Variants in MON2 observed in about 807,000 individuals in gnomAD.
The protein encoded by MON2 is MON2 regulator of endosome-to-Golgi trafficking.
Under a neutral mutation model 208.6 loss-of-function variants are expected in MON2, and 84 were observed. The observed-to-expected ratio is 0.40, with a 90% CI of 0.34 to 0.48. The LOEUF (loss-of-function observed/expected upper bound fraction) is 0.48. MON2 is among the 20% of genes least tolerant of loss of function. MON2 has a pLI of 0.59. For synonymous variants in MON2, 660 were observed against 694.0 expected (o/e 0.95, Z 0.77); for missense variants, 1,611 against 2,015.4 (o/e 0.80, Z 3.84).
intron 8 of MON2, chr12:62,508,795 C>T: frequency 4.1e-6 from 1 of 245,496 alleles, no homozygotes; most frequent in South Asian, 7.9e-5. Context: ...AAATTATAGT[C>T]TCTTCAGTTT....
intron 2 of MON2, among the ~76,000 whole-genome samples, chr12:62,493,346 G>C (rs1048810289): frequency 6.6e-6 from 1 of 152,104 alleles, no homozygotes; most frequent in Admixed American, 6.5e-5. Context: ...TATAGCATGT[G>C]TACCCAATTA....
At chr12:62,519,372 A>G (rs1444960835) in intron 8 of MON2, among the ~76,000 whole-genome samples, 1 of 152,176 alleles carries the variant, frequency 6.6e-6, no homozygotes, top group Non-Finnish European at 1.5e-5. Flanking sequence ...TCCAAGACAG[A>G]GGTATCAGGA....
At chr12:62,545,105 G>C in intron 21 of MON2, 97 bp downstream of exon 21, 1 of 717,638 alleles carries the variant, frequency 1.4e-6, no homozygotes, top group Non-Finnish European at 2.2e-6. Flanking sequence ...TATTCTAAGA[G>C]TAGGGTTTTT....
chr12:62,468,671 C>CT (rs2068630475), intron 1 of MON2, among the ~76,000 whole-genome samples: 1 of 152,036 alleles, frequency 6.6e-6, no homozygotes. Context: ...AGTCAATAGT[C>CT]TGTTTTGATA....
intron 26 of MON2, among the ~76,000 whole-genome samples, chr12:62,561,524 T>TA (rs891020433): frequency 6.6e-6 from 1 of 151,966 alleles, no homozygotes; most frequent in Non-Finnish European, 1.5e-5. Flanking sequence ...AAGCCTATAT[T>TA]AAAAAAAGAA....
chr12:62,578,441 T>C lies in MON2; in HGVS notation c.4515-4T>C. On this transcript the variant is annotated splice_region_variant and splice_polypyrimidine_tract_variant and intron_variant, in intron 30 of 34. Coordinates refer to ENST00000393630, the MANE Select transcript of MON2 (RefSeq NM_015026.3). ...TTTAAAAATCAAGTGTTTTTTTTTT[T>C]TAGCATACCTCCAGATAATCTCTCT... 1 of 1,434,100 alleles carries C rather than the reference T, an allele frequency of 7.0e-7. No homozygotes were observed. The highest frequency in any genetic ancestry group is 1.3e-5 in the South Asian group (1 of 77,276). 88.8% of individuals were successfully genotyped at this position (1,434,100 alleles called of 1,614,324 possible).
chr12:62,516,259 G>A (rs1436923174), intron 8 of MON2, among the ~76,000 whole-genome samples: 1 of 152,104 alleles, frequency 6.6e-6, no homozygotes, highest in Non-Finnish European at 1.5e-5. Flanking sequence ...TAGAATGATG[G>A]TTACCAGCAG....
chr12:62,575,383 T>C (rs542788750), intron 30 of MON2, among the ~76,000 whole-genome samples: 1 of 152,354 alleles, frequency 6.6e-6, no homozygotes, highest in African/African-American at 2.4e-5. Flanking sequence ...TTGATAACTT[T>C]GGAGGTCATA....
intron 33 of MON2, chr12:62,585,728 C>CA (rs1414480948): frequency 2.9e-6 from 1 of 349,242 alleles, no homozygotes; most frequent in South Asian, 9.2e-5. Context: ...GATTATGTAA[C>CA]ATATGATACA....
At chr12:62,539,984 T>A (rs2136249234) in intron 19 of MON2, among the ~76,000 whole-genome samples, 1 of 152,148 alleles carries the variant, frequency 6.6e-6, no homozygotes, top group African/African-American at 2.4e-5. Context: ...AAAAAGAAAA[T>A]ATATATTATA....
Position 62,560,607 on chromosome 12 carries a change from G to A in MON2, c.3526G>A (p.Val1176Met). The A allele has an allele frequency of 6.2e-7, 1 of 1,614,020 alleles. No individual in the cohort carries two copies. The highest frequency in any genetic ancestry group is 1.1e-5 in the South Asian group (1 of 91,074). Residue 1176 changes from valine to methionine, a missense_variant, in exon 26 of 35, where the codon GTG becomes ATG. Transcript: ENST00000393630. ...AAGCTTCCAGGAAATTTTACAGATT[G>A]TGTCCCCTGTCAGAGACTCAGATAA... ...LKSFQEILQIVSPVRDSDKPE... is the reference protein window; with the variant it reads ...LKSFQEILQIMSPVRDSDKPE...
chr12:62,564,856 T>A (rs1200141508), intron 26 of MON2: 1 of 157,062 alleles, frequency 6.4e-6, no homozygotes, highest in Non-Finnish European at 1.4e-5. Flanking sequence ...TTCAATGAAC[T>A]GATATCACAG....
Position 62,566,016 on chromosome 12 carries a change from C to A in MON2, c.4179C>A (p.Ile1393=). The change falls in exon 28 of 35, where the codon ATC becomes ATA. Residue 1393 remains isoleucine, a splice_region_variant and synonymous_variant. Coordinates refer to ENST00000393630, the MANE Select transcript of MON2 (RefSeq NM_015026.3). The stretch of plus-strand genomic sequence containing the variant: ...GCAACACAATGGAATCACAATAGAT[C>A]CAACTATTTGCACCGGTGAGTTAAA... ...KHIANAKYNQ[I]QLFAPAEWVA... 1 of 1,610,712 alleles carries A rather than the reference C, an allele frequency of 6.2e-7. No individual in the cohort carries two copies. The highest frequency in any genetic ancestry group is 8.5e-7 in the Non-Finnish European group (1 of 1,178,296).
chr12:62,569,062 A>G (rs2074491481), intron 29 of MON2, among the ~76,000 whole-genome samples: 1 of 152,230 alleles, frequency 6.6e-6, no homozygotes, highest in Non-Finnish European at 1.5e-5. Flanking sequence ...CTCTTTCTCC[A>G]AAATTGTGAA....
At chr12:62,569,477 T>A (rs952982864) in intron 29 of MON2, among the ~76,000 whole-genome samples, 2 of 152,212 alleles carry the variant, frequency 1.3e-5, no homozygotes, top group Non-Finnish European at 2.9e-5. Context: ...TGCTAAGAAT[T>A]GACCATATCG....
In MON2 at chr12:62,501,625, C is replaced by T; in HGVS notation, c.716C>T (p.Thr239Ile). ...GCTCCTTATTGGCTAGTGGGCATGA[C>T]AGAAATGACTCGGACGTTTGGCCTC... ...ADAPYWLVGM[T>I]EMTRTFGLEL... Residue 239 changes from threonine to isoleucine, a missense_variant, in exon 7 of 35, where the codon ACA (threonine) becomes ATA (isoleucine). By Grantham distance (89) the Thr-to-Ile change is moderately conservative. Transcript: ENST00000393630. The T allele has an allele frequency of 6.2e-7, 1 of 1,614,086 alleles. No individual in the cohort carries two copies. Among genetic ancestry groups the T allele is most frequent in the Non-Finnish European group, 8.5e-7 (1 of 1,179,926 alleles).
At chr12:62,474,626 G>C (rs1458917775) in intron 1 of MON2, among the ~76,000 whole-genome samples, 1 of 151,736 alleles carries the variant, frequency 6.6e-6, no homozygotes, top group Non-Finnish European at 1.5e-5. Flanking sequence ...GTTTCTCTGT[G>C]TTGGTCAGGC....
intron 7 of MON2, among the ~76,000 whole-genome samples, chr12:62,503,154 C>G (rs1437314888): frequency 6.6e-6 from 1 of 152,158 alleles, no homozygotes; most frequent in African/African-American, 2.4e-5. Context: ...TCTCTTTTAT[C>G]TTCCCAAATG....
At chr12:62,566,951 A>G (rs964998015) in intron 29 of MON2, among the ~76,000 whole-genome samples, 2 of 152,202 alleles carry the variant, frequency 1.3e-5, no homozygotes, top group Admixed American at 6.5e-5. Context: ...TCTTAGGACA[A>G]TATTCCTCAA....
Sources: allele counts gnomAD v4.1 joint callset (sites outside exome capture counted in the v4.1 genomes callset), GRCh38; gene constraint gnomAD v4.1.1; transcripts MANE v1.5; gene names NCBI Gene and HGNC (gene_info 2026-07-23, HGNC 2026-07-21).